UTP6: variants seen among roughly 807,000 people sequenced by gnomAD.
UTP6 encodes the protein UTP6 small subunit processome component, also known as U3 small nucleolar RNA-associated protein 6 homolog.
UTP6 carries 60 observed loss-of-function variants against 96.5 expected under a neutral mutation model. That is an observed-to-expected ratio of 0.62 (90% confidence interval 0.51 to 0.77). UTP6 has a LOEUF of 0.77. Among genes scored for constraint, UTP6 ranks in the 30% least tolerant of loss-of-function variants. The probability of loss-of-function intolerance (pLI) is 0.00; values close to 1 mark genes in which losing one functional copy is unlikely to be tolerated. For synonymous variants in UTP6, 215 were observed against 240.1 expected, an observed-to-expected ratio of 0.90 and a Z score of 0.96; for missense variants, 637 against 706.5, an observed-to-expected ratio of 0.90 and a Z score of 1.12.
rs549229708 is a variant in UTP6 at position 31,862,458 on chromosome 17, A to G, written c.*901T>C. The G allele has an allele frequency of 6.6e-6, 1 of 152,354 alleles. No individual in the cohort carries two copies. Among genetic ancestry groups the G allele is most frequent in the Non-Finnish European group, 1.5e-5 (1 of 68,036 alleles). The allele number at this position is 152,354 out of a possible 1,614,324, so 9.4% of individuals were successfully genotyped here. A position where few individuals can be genotyped will look rare whatever the true frequency, so the allele number is the denominator to read the frequency against. ...ATAAGCTACACTGAAAGCTTCTCCCAGTGACAGGATGCTTTTTTTTACCAC... is the reference window on the plus strand; with the variant it reads ...ATAAGCTACACTGAAAGCTTCTCCCGGTGACAGGATGCTTTTTTTTACCAC... On this transcript the variant is annotated 3_prime_UTR_variant, in exon 19 of 19. Coordinates refer to ENST00000261708, the MANE Select transcript of UTP6 (RefSeq NM_018428.3).
intron 7 of UTP6, 40 bp downstream of exon 7, chr17:31,889,245 T>C (rs1911323460): frequency 6.7e-7 from 1 of 1,484,570 alleles, no homozygotes; most frequent in Non-Finnish European, 9.2e-7. Context: ...AGGACCAAAC[T>C]GAAACATCAC....
Position 31,895,020 on chromosome 17 carries a change from G to T in UTP6, c.178-9C>A. ...AAAAGATTAATTTCATACTATGAAA[G>T]AAAAACATACAAAAAAATGAGAAGC... is the stretch of plus-strand genomic sequence containing the variant. On this transcript the variant is annotated splice_polypyrimidine_tract_variant and intron_variant, in intron 2 of 18. Coordinates refer to ENST00000261708, the MANE Select transcript of UTP6 (RefSeq NM_018428.3). The T allele has an allele frequency of 6.6e-7, 1 of 1,506,038 alleles. No homozygotes were observed. The highest frequency in any genetic ancestry group is 2.4e-5 in the East Asian group (1 of 41,800). 93.3% of individuals were successfully genotyped at this position (1,506,038 alleles called of 1,614,324 possible).
chr17:31,887,427 G>C (rs964945105), intron 7 of UTP6, 114 bp from the exon 8 acceptor site: 1 of 774,194 alleles, frequency 1.3e-6, no homozygotes, highest in Non-Finnish European at 2.1e-6. Context: ...AGCTCATTTC[G>C]GCCATGAATT....
chr17:31,891,321 G>A (rs937986123), intron 6 of UTP6, among the ~76,000 whole-genome samples: 1 of 152,152 alleles, frequency 6.6e-6, no homozygotes, highest in Non-Finnish European at 1.5e-5. Flanking sequence ...CTACTGATAT[G>A]ATCTCATCTC....
intron 2 of UTP6, among the ~76,000 whole-genome samples, chr17:31,897,395 T>C (rs894239210): frequency 6.6e-6 from 1 of 152,030 alleles, no homozygotes; most frequent in African/African-American, 2.4e-5. Flanking sequence ...ATATATTGTT[T>C]GTTCGGCTGT....
intron 4 of UTP6, 107 bp from the exon 5 acceptor site, chr17:31,892,901 G>T (rs952710310): frequency 7.6e-7 from 1 of 1,314,060 alleles, no homozygotes; most frequent in Non-Finnish European, 1.1e-6. Flanking sequence ...GGTTGGATGC[G>T]GTGGCTCACA....
rs892903589 is a variant in UTP6, at chr17:31,869,484, A to AT, written c.1497-1373dup. Among the ~76,000 whole-genome samples, 98 of 139,174 alleles carry AT rather than the reference A, an allele frequency of 7.0e-4. No individual in the cohort carries two copies. The East Asian group carries it at 7.5e-3, about 11-fold the overall frequency. The allele number at this position is 139,174 out of a possible 152,430, so 91.3% of individuals were successfully genotyped here. On this transcript the variant is annotated intron_variant, in intron 16 of 18. Coordinates refer to ENST00000261708, the MANE Select transcript of UTP6 (RefSeq NM_018428.3). ...ATGAGCCACCACGCCTGGCCTCTTT[A>AT]TTTTTTTTTTTATTTTTTGAGACAG...
chr17:31,892,123 TA>T (rs1277614393), intron 6 of UTP6, 136 bp downstream of exon 6: 6 of 801,450 alleles, frequency 7.5e-6, no homozygotes, highest in Admixed American at 2.4e-5. Context: ...AGCTATTCAG[TA>T]AGAAAAACTG....
rs765010529 is a variant in UTP6 at position 31,889,310 on chromosome 17, G to A, written c.518C>T (p.Pro173Leu). Residue 173 changes from proline (P) to leucine (L), a missense_variant, in exon 7 of 19, where the codon CCA becomes CTA. By Grantham distance (98) the Pro-to-Leu change is moderately conservative (BLOSUM62 -3). Coordinates refer to ENST00000261708, the MANE Select transcript of UTP6 (RefSeq NM_018428.3). ...QLFLRALRFH[P>L]ECPKLYKEYF... is the part of the protein sequence containing the mutation. ...TTCTTTATAAAGTTTTGGGCACTCT[G>A]GATGAAAGCGCAGTGCGCGAAGAAA... 4 of 1,613,374 alleles carry A rather than the reference G, an allele frequency of 2.5e-6. No individual in the cohort carries two copies. The highest frequency in any genetic ancestry group is 2.2e-5 in the South Asian group (2 of 91,048).
chr17:31,879,361 G>C (rs535318696), intron 11 of UTP6, among the ~76,000 whole-genome samples: 1 of 152,052 alleles, frequency 6.6e-6, no homozygotes, highest in Non-Finnish European at 1.5e-5. Context: ...CTGTACTCCA[G>C]CCTGGGCAAC....
rs544608882 is a variant in UTP6 at position 31,862,912 on chromosome 17, T to C, written c.*447A>G. On this transcript the variant is annotated 3_prime_UTR_variant, in exon 19 of 19. Coordinates refer to ENST00000261708, the MANE Select transcript of UTP6 (RefSeq NM_018428.3). ...TTTTAACTGGCTCTTAGGTCGAGATTAGAGATACTCATGCTTGACCTGGGA... is the reference window on the plus strand; with the variant it reads ...TTTTAACTGGCTCTTAGGTCGAGATCAGAGATACTCATGCTTGACCTGGGA... The C allele has an allele frequency of 2.6e-5, 4 of 156,548 alleles. No homozygotes were observed. The highest frequency in any genetic ancestry group is 7.2e-5 in the African/African-American group (3 of 41,564). The allele number at this position is 156,548 out of a possible 1,614,324, so 9.7% of individuals were successfully genotyped here.
At chr17:31,896,435 A>G (rs1175502182) in intron 2 of UTP6, among the ~76,000 whole-genome samples, 2 of 152,144 alleles carry the variant, frequency 1.3e-5, no homozygotes, top group Admixed American at 6.6e-5. Flanking sequence ...ATGTCTTTTC[A>G]TAAGTTTAAC....
At chr17:31,890,617 CA>C (rs1239239298) in intron 6 of UTP6, among the ~76,000 whole-genome samples, 21 of 139,352 alleles carry the variant, frequency 1.5e-4, no homozygotes, top group East Asian at 2.2e-4. Flanking sequence ...GACTCCATGT[CA>C]AAAAAAAAAG....
Position 31,878,255 on chromosome 17 carries a change from G to T in UTP6, c.1120C>A (p.Gln374Lys). Residue 374 changes from glutamine (Q) to lysine (K), a missense_variant, in exon 13 of 19, where the codon CAG (glutamine) becomes AAG (lysine). Coordinates refer to ENST00000261708, the MANE Select transcript of UTP6 (RefSeq NM_018428.3). ...TATTTTCTCTATGTTCTTACCAACT[G>T]CTTGTATTGGCATTCTGACAGAAGC... ...LKLLSECQYK[Q>K]LSVSLLCYNF... is the part of the protein sequence containing the mutation. The T allele has an allele frequency of 6.2e-7, 1 of 1,613,972 alleles. No homozygotes were observed. Among genetic ancestry groups the T allele is most frequent in the Non-Finnish European group, 8.5e-7 (1 of 1,179,912 alleles).
chr17:31,887,780 G>GT (rs1447852540), intron 7 of UTP6: 1 of 151,290 alleles, frequency 6.6e-6, no homozygotes, highest in Non-Finnish European at 1.5e-5. Flanking sequence ...GCCCAACATG[G>GT]TAAAACCCCA....
intron 10 of UTP6, 98 bp downstream of exon 10, chr17:31,884,326 T>C (rs1911020352): frequency 1.1e-6 from 1 of 946,332 alleles, no homozygotes; most frequent in Non-Finnish European, 1.5e-6. Flanking sequence ...AGGGATTTAG[T>C]GTGGTATCTT....
chr17:31,901,420 C>T, intron 1 of UTP6, 116 bp downstream of exon 1: 1 of 941,100 alleles, frequency 1.1e-6, no homozygotes, highest in Non-Finnish European at 1.7e-6. Flanking sequence ...AATGGGCTTC[C>T]ACCACGTTAG....
intron 1 of UTP6, 123 bp downstream of exon 1, chr17:31,901,413 G>A: frequency 1.2e-6 from 1 of 852,810 alleles, no homozygotes; most frequent in Non-Finnish European, 1.9e-6. Context: ...AACGAGAAAT[G>A]GGCTTCCACC....
chr17:31,900,634 A>G (rs73280117), intron 1 of UTP6, among the ~76,000 whole-genome samples: 2,793 of 152,282 alleles, frequency 0.018, 34 homozygotes, highest in African/African-American at 0.03. Flanking sequence ...GGTCACTTAA[A>G]TTTTAATAAT....
Sources: allele counts gnomAD v4.1 joint callset (sites outside exome capture counted in the v4.1 genomes callset), GRCh38; gene constraint gnomAD v4.1.1; transcripts MANE v1.5; gene names NCBI Gene and HGNC (gene_info 2026-07-23, HGNC 2026-07-21).